The following CHRM2 variants were observed in gnomAD, a reference collection of about 807,000 sequenced individuals.
CHRM2 encodes muscarinic acetylcholine receptor M2.
A neutral mutation model predicts 25.0 loss-of-function variants in CHRM2; 8 were observed. The ratio of observed to expected loss-of-function variants is 0.32; its 90% CI spans 0.19 to 0.58. CHRM2 has a LOEUF of 0.58. CHRM2 is among the 20% of genes least tolerant of loss of function. The pLI, the probability that CHRM2 is intolerant of heterozygous loss-of-function variation, is 0.88. For synonymous variants in CHRM2, 202 were observed against 205.7 expected (o/e 0.98, Z 0.15); for missense variants, 440 against 567.1 (o/e 0.78, Z 2.28).
At chr7:136,987,693 G>A (rs1008765898) in intron 2 of CHRM2, among the ~76,000 whole-genome samples, 19 of 152,174 alleles carry the variant, frequency 1.2e-4, no homozygotes, top group Non-Finnish European at 1.9e-4. Flanking sequence ...GCAAGGATGC[G>A]TCAGTCGGAG....
chr7:136,939,468 T>C (rs1001470909), intron 2 of CHRM2, among the ~76,000 whole-genome samples: 2 of 152,216 alleles, frequency 1.3e-5, no homozygotes, highest in African/African-American at 4.8e-5. Context: ...TTATTTACTC[T>C]GCCCAACTAA....
chr7:137,005,057 G>A (rs768860159), intron 3 of CHRM2, among the ~76,000 whole-genome samples: 9 of 152,026 alleles, frequency 5.9e-5, no homozygotes, highest in Non-Finnish European at 1.0e-4. Context: ...TGTCATTTCT[G>A]TCATTGAAAA....
intron 2 of CHRM2, among the ~76,000 whole-genome samples, chr7:136,896,298 C>T (rs1487059536): frequency 1.3e-5 from 2 of 152,122 alleles, no homozygotes; most frequent in Non-Finnish European, 2.9e-5. Flanking sequence ...AAGAAAAGCC[C>T]TGTCCCACAA....
intron 2 of CHRM2, among the ~76,000 whole-genome samples, chr7:136,973,640 C>T (rs1363993785): frequency 9.5e-5 from 2 of 21,056 alleles, no homozygotes; most frequent in Non-Finnish European, 1.6e-4. Flanking sequence ...ATGACGGTGA[C>T]GGTGTTAGGG....
rs536129138 is a variant in CHRM2, at chr7:136,925,361, G to A, written c.-125+55943G>A. 3.3e-5 allele frequency among the ~76,000 whole-genome samples: 5 copies of A among 152,122 alleles called. No individual in the cohort carries two copies. The East Asian group carries it at 9.7e-4, about 29-fold the overall frequency. ...CAAATTCATGTCTAGACCTTTGGGT[G>A]TTATCAACCCCATATTTCTTAGAGA... On this transcript the variant is annotated intron_variant, in intron 2 of 3. Coordinates refer to ENST00000680005, the MANE Select transcript of CHRM2 (RefSeq NM_001006630.2).
intron 2 of CHRM2, among the ~76,000 whole-genome samples, chr7:136,907,425 A>G (rs1797615901): frequency 6.6e-6 from 1 of 151,974 alleles, no homozygotes; most frequent in Non-Finnish European, 1.5e-5. Context: ...CTCATCACTC[A>G]ACTGAATGGA....
chr7:136,968,279 G>C (rs1339144912), intron 2 of CHRM2, among the ~76,000 whole-genome samples: 1 of 151,914 alleles, frequency 6.6e-6, no homozygotes. Context: ...ATGAAAAAAT[G>C]CTCGACATTC....
At chr7:136,974,670 G>A (rs953365345) in intron 2 of CHRM2, among the ~76,000 whole-genome samples, 1 of 152,212 alleles carries the variant, frequency 6.6e-6, no homozygotes, top group African/African-American at 2.4e-5. Context: ...GTACTGATTT[G>A]AGACTAGGCT....
chr7:136,908,774 G>C (rs1477821435), intron 2 of CHRM2, among the ~76,000 whole-genome samples: 1 of 151,522 alleles, frequency 6.6e-6, no homozygotes, highest in Non-Finnish European at 1.5e-5. Flanking sequence ...TCCTGCAAAA[G>C]CAAAAAAATC....
chr7:136,883,051 C>A (rs1018484918), intron 2 of CHRM2, among the ~76,000 whole-genome samples: 4 of 152,120 alleles, frequency 2.6e-5, no homozygotes, highest in African/African-American at 9.7e-5. Context: ...ATAGCCTTAG[C>A]CTTACTCAAA....
At chr7:136,934,307 G>T (rs1353474998) in intron 2 of CHRM2, among the ~76,000 whole-genome samples, 1 of 151,800 alleles carries the variant, frequency 6.6e-6, no homozygotes, top group African/African-American at 2.4e-5. Flanking sequence ...TCTCTTCCTG[G>T]ATAGTACCTA....
At chr7:136,929,811 AG>A (rs1390487663) in intron 2 of CHRM2, among the ~76,000 whole-genome samples, 5 of 152,160 alleles carry the variant, frequency 3.3e-5, no homozygotes, top group Admixed American at 1.3e-4. Flanking sequence ...TTTATCCAAG[AG>A]GAATAAAGGT....
intron 2 of CHRM2, among the ~76,000 whole-genome samples, chr7:136,890,893 ATG>A (rs1271714022): frequency 6.6e-6 from 1 of 151,988 alleles, no homozygotes; most frequent in African/African-American, 2.4e-5. Context: ...GTGTGTGTAT[ATG>A]TGTGTGGCAG....
chr7:136,969,851 G>T (rs1801649222), intron 2 of CHRM2, among the ~76,000 whole-genome samples: 1 of 152,112 alleles, frequency 6.6e-6, no homozygotes, highest in East Asian at 1.9e-4. Context: ...AGCTGGGACT[G>T]CCATAACAAA....
chr7:136,950,747 G>A (rs1024777184), intron 2 of CHRM2, among the ~76,000 whole-genome samples: 1 of 152,162 alleles, frequency 6.6e-6, no homozygotes, highest in African/African-American at 2.4e-5. Context: ...GACTGAACAA[G>A]TCCAGTGCTT....
At chr7:136,963,389 C>G (rs960005669) in intron 2 of CHRM2, among the ~76,000 whole-genome samples, 2 of 152,024 alleles carry the variant, frequency 1.3e-5, no homozygotes, top group African/African-American at 4.8e-5. Flanking sequence ...GAGGAACTTA[C>G]AATTCAAGAA....
intron 2 of CHRM2, among the ~76,000 whole-genome samples, chr7:136,872,398 C>A (rs2130453590): frequency 6.6e-6 from 1 of 152,280 alleles, no homozygotes; most frequent in African/African-American, 2.4e-5. Context: ...CATGGTCCTT[C>A]AATTTTGGGA....
chr7:136,999,917 T>C (rs976058579), intron 3 of CHRM2, among the ~76,000 whole-genome samples: 1 of 152,144 alleles, frequency 6.6e-6, no homozygotes, highest in Non-Finnish European at 1.5e-5. Context: ...AGGATGTGAC[T>C]TCATGAAAAT....
At chr7:136,897,627 G>T (rs1257151561) in intron 2 of CHRM2, among the ~76,000 whole-genome samples, 1 of 151,538 alleles carries the variant, frequency 6.6e-6, no homozygotes, top group Non-Finnish European at 1.5e-5. Context: ...GTAACTCAGA[G>T]TATAGTTAAA....
Sources: allele counts gnomAD v4.1 joint callset (sites outside exome capture counted in the v4.1 genomes callset), GRCh38; gene constraint gnomAD v4.1.1; transcripts MANE v1.5; gene names NCBI Gene and HGNC (gene_info 2026-07-23, HGNC 2026-07-21).